The following CRACD variants were observed in gnomAD, a reference collection of about 807,000 sequenced individuals.
The protein encoded by CRACD is capping protein inhibiting regulator of actin dynamics, also known as capping protein-inhibiting regulator of actin dynamics.
A neutral mutation model predicts 106.8 loss-of-function variants in CRACD; 56 were observed. The observed-to-expected ratio is 0.52, with a 90% CI of 0.42 to 0.66. The LOEUF (loss-of-function observed/expected upper bound fraction) is 0.66, where lower values mean the gene tolerates loss of function less well. CRACD is among the 30% of genes least tolerant of loss of function. CRACD has a pLI of 0.00. For missense variants in CRACD, 1,730 were observed against 1,623.2 expected (o/e 1.07, Z -1.13); for synonymous variants, 754 against 670.8 (o/e 1.12, Z -1.92).
At chr4:56,070,507 T>G (rs1732608186) in intron 1 of CRACD, among the ~76,000 whole-genome samples, 1 of 152,168 alleles carries the variant, frequency 6.6e-6, no homozygotes, top group Non-Finnish European at 1.5e-5. Flanking sequence ...CACCGTAGTC[T>G]CAATCTCCTG....
At chr4:56,273,886 A>T (rs757729653) in intron 3 of CRACD, among the ~76,000 whole-genome samples, 1 of 152,234 alleles carries the variant, frequency 6.6e-6, no homozygotes. Context: ...ACCGTGCTTC[A>T]AGGACAGAGA....
chr4:56,102,462 A>G (rs1187064496), intron 1 of CRACD, among the ~76,000 whole-genome samples: 2 of 152,212 alleles, frequency 1.3e-5, no homozygotes, highest in African/African-American at 4.8e-5. Flanking sequence ...TCCCAAACAG[A>G]TAAAAACCCA....
At chr4:56,095,850 C>T (rs1342996704) in intron 1 of CRACD, among the ~76,000 whole-genome samples, 1 of 152,176 alleles carries the variant, frequency 6.6e-6, no homozygotes, top group Non-Finnish European at 1.5e-5. Context: ...AGCTGAGGCT[C>T]ATCCAGCTGA....
At chr4:56,062,502 G>A (rs193119166) in intron 1 of CRACD, among the ~76,000 whole-genome samples, 52 of 152,244 alleles carry the variant, frequency 3.4e-4, no homozygotes, top group Non-Finnish European at 5.9e-4. Context: ...GCTTAAAACC[G>A]GCTTGTTCTT....
At chr4:56,212,213 C>A (rs183172676) in intron 2 of CRACD, among the ~76,000 whole-genome samples, 4 of 152,256 alleles carry the variant, frequency 2.6e-5, no homozygotes, top group Non-Finnish European at 4.4e-5. Context: ...AAAGACATTC[C>A]CATCAGCACC....
chr4:56,107,154 GT>G (rs533950971), intron 1 of CRACD, among the ~76,000 whole-genome samples: 2 of 151,508 alleles, frequency 1.3e-5, no homozygotes, highest in East Asian at 3.9e-4. Flanking sequence ...AAAACATTGG[GT>G]TTTTTTTCAG....
rs146231047 is a variant in CRACD, at chr4:56,162,488, T to C, written c.-335-16796T>C. Among the ~76,000 whole-genome samples the C allele has an allele frequency of 3.0e-3, 458 of 152,258 alleles. 1 individual carries two copies. Among genetic ancestry groups the C allele is most frequent in the African/African-American group, 9.6e-3 (397 of 41,506 alleles). ...TGCCAAAGCACTGGGATTATAAGCATGAGCCACCATGCCTAGCTGGGCTTG... is the reference window on the plus strand; with the variant it reads ...TGCCAAAGCACTGGGATTATAAGCACGAGCCACCATGCCTAGCTGGGCTTG... On this transcript the variant is annotated intron_variant, in intron 1 of 10. Transcript: ENST00000682029.
chr4:56,329,953 CTTTAAAAGAAGAGT>C lies in CRACD; in HGVS notation c.*2150_*2163del, dbSNP rs1227160569. On this transcript the variant is annotated 3_prime_UTR_variant, in exon 11 of 11. Coordinates refer to ENST00000682029, the MANE Select transcript of CRACD (RefSeq NM_001393381.1). ...TCAGTTAAAATTTTTCCATCAAAGT[CTTTAAAAGAAGAGT>C]ATACTGAAGAAAGGGCAGTCACAAT... is the stretch of plus-strand genomic sequence containing the variant. Among the ~76,000 whole-genome samples, 2 of 152,144 alleles carry C rather than the reference CTTTAAAAGAAGAGT, an allele frequency of 1.3e-5. No individual in the cohort carries two copies. The highest frequency in any genetic ancestry group is 6.6e-5 in the Admixed American group (1 of 15,264).
chr4:56,247,707 G>A (rs542532925), intron 2 of CRACD, among the ~76,000 whole-genome samples: 2 of 152,210 alleles, frequency 1.3e-5, no homozygotes, highest in Non-Finnish European at 2.9e-5. Context: ...TTAGCTAGGC[G>A]TGTTCATGTA....
At chr4:56,145,034 C>G (rs527354222) in intron 1 of CRACD, among the ~76,000 whole-genome samples, 2 of 152,092 alleles carry the variant, frequency 1.3e-5, no homozygotes, top group Admixed American at 6.6e-5. Context: ...GTTATCCCCC[C>G]GCCCCAGCCT....
At chr4:56,255,132 A>C (rs1270114078) in intron 2 of CRACD, among the ~76,000 whole-genome samples, 1 of 150,148 alleles carries the variant, frequency 6.7e-6, no homozygotes, top group Non-Finnish European at 1.5e-5. Flanking sequence ...AAAAAAAAAA[A>C]AACTAAAAAT....
Position 56,168,640 on chromosome 4 carries a change from TATA to T in CRACD, c.-335-10640_-335-10638del, listed in dbSNP as rs1450448544. ...ATCTTTTTGTCCACTGATGGATATA[TATA>T]ATATTATCTGCATATTCAACTATAT... On this transcript the variant is annotated intron_variant, in intron 1 of 10. Transcript: ENST00000682029. Among the ~76,000 whole-genome samples, 5 of 149,892 alleles carry T rather than the reference TATA, an allele frequency of 3.3e-5. No homozygotes were observed. The East Asian group carries it at 9.7e-4, about 29-fold the overall frequency.
intron 2 of CRACD, among the ~76,000 whole-genome samples, chr4:56,201,307 T>A (rs1018714283): frequency 2.6e-5 from 4 of 152,232 alleles, no homozygotes; most frequent in African/African-American, 9.6e-5. Flanking sequence ...ATACTTGAAC[T>A]TTCCAGAGCA....
intron 1 of CRACD, among the ~76,000 whole-genome samples, chr4:56,115,277 A>C (rs1734241013): frequency 6.6e-6 from 1 of 152,192 alleles, no homozygotes; most frequent in East Asian, 1.9e-4. Flanking sequence ...CCTTTATTTC[A>C]CTATGGACCT....
chr4:56,158,717 T>C (rs1188582935), intron 1 of CRACD, among the ~76,000 whole-genome samples: 1 of 152,208 alleles, frequency 6.6e-6, no homozygotes, highest in African/African-American at 2.4e-5. Context: ...CGACCACATC[T>C]GTCAGGGTGA....
chr4:56,239,162 A>G (rs981750440), intron 2 of CRACD, among the ~76,000 whole-genome samples: 1 of 152,046 alleles, frequency 6.6e-6, no homozygotes, highest in Non-Finnish European at 1.5e-5. Flanking sequence ...GTATGGTGGT[A>G]CGTGCCTGTA....
chr4:56,313,503 G>A (rs1163401542), intron 7 of CRACD, 124 bp downstream of exon 7: 5 of 803,578 alleles, frequency 6.2e-6, no homozygotes, highest in Non-Finnish European at 9.7e-6. Context: ...TCGGGAACTT[G>A]AGTGTGTGGC....
chr4:56,303,935 G>A (rs1744516456), intron 4 of CRACD, among the ~76,000 whole-genome samples: 1 of 152,210 alleles, frequency 6.6e-6, no homozygotes, highest in Non-Finnish European at 1.5e-5. Context: ...CCAGCCACCA[G>A]CCTGAGTTTG....
chr4:56,197,774 T>C (rs1737679919), intron 2 of CRACD, among the ~76,000 whole-genome samples: 1 of 151,746 alleles, frequency 6.6e-6, no homozygotes, highest in South Asian at 2.1e-4. Context: ...TCCTCCCGGG[T>C]TCACGCCGTT....
Sources: gnomAD v4.1 joint callset for allele counts (sites outside exome capture counted in the v4.1 genomes callset) on GRCh38, gnomAD v4.1.1 for gene constraint, MANE v1.5 for transcripts, NCBI Gene and HGNC (gene_info 2026-07-23, HGNC 2026-07-21) for gene names.